CCDC197: variants seen among roughly 807,000 people sequenced by gnomAD.
The protein encoded by CCDC197 is uncharacterized protein CCDC197.
In CCDC197, 24 loss-of-function variants were observed where a neutral mutation model predicts 13.4. The observed-to-expected ratio is 1.80, with a 90% confidence interval of 1.30 to 2.53. CCDC197 has a LOEUF of 2.53. Ranked by LOEUF, CCDC197 falls within the 30% of genes most tolerant of loss-of-function variation. CCDC197 has a pLI of 0.00. For missense variants in CCDC197, 255 were observed against 148.8 expected, an observed-to-expected ratio of 1.71 and a Z score of -3.71; for synonymous variants, 99 against 55.5, an observed-to-expected ratio of 1.78 and a Z score of -3.48.
In CCDC197 at chr14:94,003,454, C is replaced by CGG. The variant is rs935718380; in HGVS notation, c.498+100_498+101insGG. Reference sequence around the variant, plus strand: ...CAAAACACACAGACACATACGCACGCAGACACACACACACAGAGCCAGACA... The same window carrying CGG: ...CAAAACACACAGACACATACGCACGCGGAGACACACACACACAGAGCCAGACA... On this transcript the variant is annotated intron_variant, in intron 5 of 6. Transcript: ENST00000636493. This position sits in a 1 kb window ranked among gnomAD's most constrained non-coding sequence, Gnocchi z 5.0. 4.0e-4 allele frequency: 257 copies of CGG among 640,910 alleles called. 2 individuals are homozygous for CGG. The highest frequency in any genetic ancestry group is 3.3e-3 in the South Asian group (191 of 57,606). 39.7% of individuals were successfully genotyped at this position (640,910 alleles called of 1,614,324 possible). A position where few individuals can be genotyped will look rare whatever the true frequency, so the allele number is the denominator to read the frequency against.
At chr14:93,998,256 G>C (rs1890382298) in intron 2 of CCDC197, 21 bp downstream of exon 2, 2 of 766,840 alleles carry the variant, frequency 2.6e-6, no homozygotes, top group Non-Finnish European at 4.8e-6. Flanking sequence ...TCCCACCCCT[G>C]CCCCAGCCCC....
At chr14:93,987,287 T>A (rs1395678441) in exon 1 of CCDC197, 1 of 152,318 alleles carries the variant, frequency 6.6e-6, no homozygotes, top group Non-Finnish European at 1.5e-5. Flanking sequence ...TCAGATGATC[T>A]CCACGCTGCA....
rs900673704 is a variant in CCDC197, at chr14:94,003,156, G to A, written c.367-67G>A. 111 of 729,530 alleles carry A rather than the reference G, an allele frequency of 1.5e-4. No homozygotes were observed. Among genetic ancestry groups the A allele is most frequent in the Middle Eastern group, 3.7e-4 (1 of 2,684 alleles). The allele number at this position is 729,530 out of a possible 1,614,324, so 45.2% of individuals were successfully genotyped here. A position where few individuals can be genotyped will look rare whatever the true frequency, so the allele number is the denominator to read the frequency against. On this transcript the variant is annotated intron_variant, in intron 4 of 6. Transcript: ENST00000636493. This position sits in a 1 kb window ranked among gnomAD's most constrained non-coding sequence, Gnocchi z 5.0. ...CTGTCATTGCACAGACCACCCTGGG[G>A]ACTCAGACCAGGGCATATGCCCTGG...
chr14:93,996,866 G>A (rs78931811), upstream of CCDC197, among the ~76,000 whole-genome samples: 4,455 of 152,344 alleles, frequency 0.029, 97 homozygotes, highest in Non-Finnish European at 0.044. Flanking sequence ...GGCAGGGGCA[G>A]TTCCCAGACA....
chr14:93,998,373 A>G, intron 2 of CCDC197, 138 bp downstream of exon 2: 1 of 657,058 alleles, frequency 1.5e-6, no homozygotes, highest in East Asian at 2.7e-5. Context: ...TTGGAAGCAA[A>G]TGGGCGGGGT....
In CCDC197 at chr14:94,002,328, G is replaced by T. The variant is rs1890544717; in HGVS notation, c.367-895G>T. ...TTGGGAGACAGGGTTTCACTCTGTC[G>T]CCCAGGCTGGAGTACAGTGGAGTGA... On this transcript the variant is annotated intron_variant, in intron 4 of 6. Coordinates refer to ENST00000636493, the MANE Select transcript of CCDC197 (RefSeq NM_001351596.2). 2.7e-5 allele frequency among the ~76,000 whole-genome samples: 4 copies of T among 150,692 alleles called. No individual in the cohort carries two copies. In the South Asian group the frequency reaches 8.5e-4, roughly 32 times the overall value.
rs1445382142 is a variant in CCDC197, at chr14:94,008,728, C to G, written c.735C>G (p.Phe245Leu). 2 of 702,904 alleles carry G rather than the reference C, an allele frequency of 2.8e-6. No individual in the cohort carries two copies. Among genetic ancestry groups the G allele is most frequent in the Non-Finnish European group, 5.2e-6 (2 of 385,008 alleles). 43.5% of individuals were successfully genotyped at this position (702,904 alleles called of 1,614,324 possible). The change falls in exon 7 of 7, where the codon TTC becomes TTG. Residue 245 changes from phenylalanine (F) to leucine (L), a missense_variant. Coordinates refer to ENST00000636493, the MANE Select transcript of CCDC197 (RefSeq NM_001351596.2). ...GGCTCAGAAGACACCCCAAACCCTT[C>G]AGGAAATGTCCAAGGAGGCGGGTTT... The part of the protein sequence containing the change: ...DQWLRRHPKP[F>L]RKCPRRRVST...
intron 1 of CCDC197, among the ~76,000 whole-genome samples, chr14:93,989,872 G>C (rs112362266): frequency 6.6e-6 from 1 of 152,186 alleles, no homozygotes; most frequent in African/African-American, 2.4e-5. Context: ...AACTTACTCA[G>C]GTGGTTGGCA....
intron 4 of CCDC197, among the ~76,000 whole-genome samples, chr14:94,002,508 A>C (rs1890551591): frequency 6.6e-6 from 1 of 152,050 alleles, no homozygotes; most frequent in Non-Finnish European, 1.5e-5. Context: ...GGCATGTATT[A>C]GTTCCTTCTC....
At chr14:93,990,542 G>A (rs1244322802) in intron 1 of CCDC197, among the ~76,000 whole-genome samples, 2 of 152,194 alleles carry the variant, frequency 1.3e-5, no homozygotes, top group East Asian at 1.9e-4. Flanking sequence ...TATTTTCCAG[G>A]AGCTGGGGAC....
intron 6 of CCDC197, chr14:94,007,300 A>G (rs1044314951): frequency 2.0e-5 from 3 of 152,190 alleles, no homozygotes; most frequent in African/African-American, 7.2e-5. Context: ...ATTTTTTAAT[A>G]TAGTGTAAGG....
intron 6 of CCDC197, among the ~76,000 whole-genome samples, chr14:94,005,918 G>A (rs1890666950): frequency 6.6e-6 from 1 of 151,474 alleles, no homozygotes; most frequent in African/African-American, 2.4e-5. Context: ...CGGACATCTG[G>A]ATTGTTACAT....
chr14:93,988,783 G>A (rs1336690225), intron 1 of CCDC197, among the ~76,000 whole-genome samples: 3 of 127,238 alleles, frequency 2.4e-5, no homozygotes, highest in Non-Finnish European at 3.3e-5. Context: ...ATGGGAGAAG[G>A]GGATGGGAGG....
rs776167651 is a variant in CCDC197, at chr14:94,003,267, C to T, written c.411C>T (p.Arg137=). ...GTCAGCTGCAGAAGAAGTGCTACCG[C>T]AAGCAGGAGCAGTGGTGGCAGCTGA... The part of the protein sequence containing the change: ...RLCQLQKKCY[R]KQEQWWQLKH... The change falls in exon 5 of 7, where the codon CGC becomes CGT. Residue 137 remains arginine, a synonymous_variant. Coordinates refer to ENST00000636493, the MANE Select transcript of CCDC197 (RefSeq NM_001351596.2). The surrounding 1 kb of genome is among the most constrained non-coding windows in gnomAD (Gnocchi z 5.0). The T allele has an allele frequency of 5.1e-6, 4 of 780,428 alleles. No individual in the cohort carries two copies. In the East Asian group the frequency reaches 9.7e-5, roughly 19 times the overall value. The allele number at this position is 780,428 out of a possible 1,614,324, so 48.3% of individuals were successfully genotyped here. A position where few individuals can be genotyped will look rare whatever the true frequency, so the allele number is the denominator to read the frequency against.
At chr14:94,010,801 A>G (rs538932022), downstream of CCDC197, among the ~76,000 whole-genome samples, 1 of 152,094 alleles carries the variant, frequency 6.6e-6, no homozygotes, top group African/African-American at 2.4e-5. Context: ...TCACACACTC[A>G]TGCCTCTCTG....
upstream of CCDC197, among the ~76,000 whole-genome samples, chr14:93,996,408 C>CTGGGCTGGCTGGGGCTGATCTCACTG (rs1890308393): frequency 5.3e-5 from 8 of 152,134 alleles, no homozygotes; most frequent in African/African-American, 1.9e-4. Flanking sequence ...CTGCCCCTGC[C>CTGGGCTGGCTGGGGCTGATCTCACTG]CCTGAGCCCA....
rs368158733 is a variant in CCDC197 at position 93,999,666 on chromosome 14, G to T, written c.187+1G>T. The T allele has an allele frequency of 2.6e-6, 2 of 780,870 alleles. No homozygotes were observed. Among genetic ancestry groups the T allele is most frequent in the African/African-American group, 1.7e-5 (1 of 59,134 alleles). 48.4% of individuals were successfully genotyped at this position (780,870 alleles called of 1,614,324 possible). A position where few individuals can be genotyped will look rare whatever the true frequency, so the allele number is the denominator to read the frequency against. On this transcript the variant is annotated splice_donor_variant, in intron 3 of 6. Coordinates refer to ENST00000636493, the MANE Select transcript of CCDC197 (RefSeq NM_001351596.2). LOFTEE classifies it high-confidence loss of function. ...AAGGTCCTTGAGAAAATCCCCGAGG[G>T]TATGTACACAGCTTCCTCGGAAAGC...
rs1359548685 is a variant in CCDC197, at chr14:94,001,275, C to G, written c.318C>G (p.Val106=). The change falls in exon 4 of 7, where the codon GTC becomes GTG. Residue 106 remains valine, a synonymous_variant. Coordinates refer to ENST00000636493, the MANE Select transcript of CCDC197 (RefSeq NM_001351596.2). The stretch of plus-strand genomic sequence containing the variant: ...CCTTCTGCCAGATGATCCAGGCTGT[C>G]CACCGGAGCCTGGAGTCTCTGGAGG... ...LEAFCQMIQA[V]HRSLESLEED... 5.1e-6 allele frequency: 4 copies of G among 780,652 alleles called. No individual in the cohort carries two copies. Among genetic ancestry groups the G allele is most frequent in the Non-Finnish European group, 7.2e-6 (3 of 417,960 alleles). 48.4% of individuals were successfully genotyped at this position (780,652 alleles called of 1,614,324 possible).
At chr14:94,005,078 T>A (rs914593850) in intron 6 of CCDC197, 107 bp downstream of exon 6, 2 of 619,796 alleles carry the variant, frequency 3.2e-6, no homozygotes, top group African/African-American at 3.6e-5. Flanking sequence ...TAGCCCCCCA[T>A]CAGCTCTTCT....
Sources: allele counts gnomAD v4.1 joint callset (sites outside exome capture counted in the v4.1 genomes callset), GRCh38; gene constraint gnomAD v4.1.1; non-coding constraint Gnocchi (gnomAD v3.1); transcripts MANE v1.5; gene names NCBI Gene and HGNC (gene_info 2026-07-23, HGNC 2026-07-21).